PLXNA4: variants seen among roughly 807,000 people sequenced by gnomAD.
The protein encoded by PLXNA4 is plexin A4.
In PLXNA4, 44 loss-of-function variants were observed where a neutral mutation model predicts 191.8. The observed-to-expected ratio is 0.23, with a 90% CI of 0.18 to 0.29. The LOEUF is 0.29. Ranked by LOEUF, PLXNA4 falls within the 10% of genes least tolerant of loss-of-function variation. The pLI is 1.00. For synonymous variants in PLXNA4, 1,082 were observed against 1,009.5 expected (o/e 1.07, Z -1.36); for missense variants, 1,800 against 2,488.8 (o/e 0.72, Z 5.89).
At chr7:132,189,312 C>T (rs1169955426) in intron 14 of PLXNA4, among the ~76,000 whole-genome samples, 1 of 151,984 alleles carries the variant, frequency 6.6e-6, no homozygotes, top group Non-Finnish European at 1.5e-5. Context: ...TCAAGCCATG[C>T]TTCATAAATA....
chr7:132,281,273 AT>A lies in PLXNA4; in HGVS notation c.1503+16817del, dbSNP rs202200016. On this transcript the variant is annotated intron_variant, in intron 4 of 31. Transcript: ENST00000321063. Reference sequence around the variant, plus strand: ...TAGACGCAGAGATGCAAAAAAGTGCATTGTTGGCTGTGCTGAATAAATCAAG... The same window carrying A: ...TAGACGCAGAGATGCAAAAAAGTGCATGTTGGCTGTGCTGAATAAATCAAG... 9.8e-3 allele frequency among the ~76,000 whole-genome samples: 1,493 copies of A among 152,308 alleles called. 21 individuals are homozygous for A. The highest frequency in any genetic ancestry group is 0.034 in the African/African-American group (1,421 of 41,570).
chr7:132,473,961 A>G (rs746620649), intron 3 of PLXNA4, among the ~76,000 whole-genome samples: 13 of 152,218 alleles, frequency 8.5e-5, no homozygotes, highest in Non-Finnish European at 2.9e-5. Context: ...AAGGAAAGAA[A>G]GTTCAACAAG....
At chr7:132,305,132 C>T (rs1386865027) in intron 3 of PLXNA4, among the ~76,000 whole-genome samples, 1 of 152,188 alleles carries the variant, frequency 6.6e-6, no homozygotes, top group African/African-American at 2.4e-5. Context: ...CCAAGTAATA[C>T]TGCCTTGGGA....
intron 20 of PLXNA4, among the ~76,000 whole-genome samples, chr7:132,176,448 AAG>A (rs1484215484): frequency 6.6e-6 from 1 of 152,214 alleles, no homozygotes; most frequent in African/African-American, 2.4e-5. Flanking sequence ...GTATGCTTAT[AAG>A]AGAGTGTGGG....
chr7:132,471,126 G>A (rs2117417101), intron 3 of PLXNA4, among the ~76,000 whole-genome samples: 1 of 152,210 alleles, frequency 6.6e-6, no homozygotes, highest in South Asian at 2.1e-4. Context: ...GTTGTTTAAA[G>A]GTGTGTGGCA....
intron 16 of PLXNA4, among the ~76,000 whole-genome samples, chr7:132,184,981 G>A (rs1449381993): frequency 1.3e-5 from 2 of 152,196 alleles, no homozygotes; most frequent in African/African-American, 2.4e-5. Context: ...TACCAGAAGT[G>A]AGAAGAGTAG....
At chr7:132,326,903 G>A (rs1401695118) in intron 3 of PLXNA4, among the ~76,000 whole-genome samples, 1 of 141,000 alleles carries the variant, frequency 7.1e-6, no homozygotes, top group Non-Finnish European at 1.6e-5. Context: ...GGCAGGAAGG[G>A]AATGGGGAAA....
At chr7:132,496,536 G>A (rs1388654334) in intron 2 of PLXNA4, among the ~76,000 whole-genome samples, 1 of 152,014 alleles carries the variant, frequency 6.6e-6, no homozygotes, top group East Asian at 1.9e-4. Flanking sequence ...TGAGTAGCTG[G>A]GATTACAGGC....
Position 132,298,125 on chromosome 7 carries a change from T to G in PLXNA4, c.1469A>C (p.Asp490Ala). Residue 490 changes from aspartate (D) to alanine (A), a missense_variant, in exon 4 of 32, where the codon GAC becomes GCC. Around this residue, in one of 6 missense-constraint regions of PLXNA4, gnomAD observed 1,397 missense variants for 1,880.4 expected, o/e 0.74. Coordinates refer to ENST00000321063, the MANE Select transcript of PLXNA4 (RefSeq NM_020911.2). ...PVLRDMAFSKDHEQLYIMSER... is the reference protein window; with the variant it reads ...PVLRDMAFSKAHEQLYIMSER... ...TGACATGATGTAGAGTTGCTCGTGG[T>G]CCTTGGAGAAGGCCATATCCCGGAG... The G allele has an allele frequency of 6.2e-7, 1 of 1,614,224 alleles. No individual in the cohort carries two copies. Among genetic ancestry groups the G allele is most frequent in the Admixed American group, 1.7e-5 (1 of 60,036 alleles).
rs540324446 is a variant in PLXNA4, at chr7:132,307,373, C to T, written c.1372-9151G>A. Among the ~76,000 whole-genome samples the T allele has an allele frequency of 2.0e-5, 3 of 152,334 alleles. No individual in the cohort carries two copies. The East Asian group carries it at 5.8e-4, about 29-fold the overall frequency. ...ATGATGGTTATTGTTTACACCCTTG[C>T]TAGATCATACACACCACGGGAGCAG... On this transcript the variant is annotated intron_variant, in intron 3 of 31. Transcript: ENST00000321063.
intron 1 of PLXNA4, among the ~76,000 whole-genome samples, chr7:132,523,381 G>A (rs552588428): frequency 1.3e-5 from 2 of 152,132 alleles, no homozygotes; most frequent in African/African-American, 2.4e-5. Context: ...TGGCCAGGGG[G>A]AGCCAGCCAT....
chr7:132,177,874 T>C (rs1454200911), intron 20 of PLXNA4, among the ~76,000 whole-genome samples: 1 of 152,164 alleles, frequency 6.6e-6, no homozygotes, highest in African/African-American at 2.4e-5. Flanking sequence ...GGGGATGGAA[T>C]GGATCCACTT....
At chr7:132,528,264 C>T (rs569972060) in intron 1 of PLXNA4, among the ~76,000 whole-genome samples, 81 of 152,264 alleles carry the variant, frequency 5.3e-4, no homozygotes, top group Middle Eastern at 6.8e-3. Context: ...CAGTTGGACA[C>T]GAGGCTTCTC....
chr7:132,321,001 C>T lies in PLXNA4; in HGVS notation c.1372-22779G>A, dbSNP rs1802140250. On this transcript the variant is annotated intron_variant, in intron 3 of 31. Coordinates refer to ENST00000321063, the MANE Select transcript of PLXNA4 (RefSeq NM_020911.2). ...GCCCCAAATCTCCCTGTTTTTCTGC[C>T]CTCCGGTTCCTGGCAATCCCTTGCC... Among the ~76,000 whole-genome samples the T allele has an allele frequency of 3.9e-5, 6 of 152,266 alleles. No homozygotes were observed. In the South Asian group the frequency reaches 1.0e-3, roughly 26 times the overall value.
chr7:132,538,307 C>G (rs932557185), intron 1 of PLXNA4, among the ~76,000 whole-genome samples: 10 of 152,202 alleles, frequency 6.6e-5, no homozygotes, highest in African/African-American at 2.2e-4. Flanking sequence ...GTTATATGAT[C>G]AGCACAAATG....
At chr7:132,257,679 C>T (rs1267931888) in intron 4 of PLXNA4, among the ~76,000 whole-genome samples, 1 of 152,232 alleles carries the variant, frequency 6.6e-6, no homozygotes, top group Admixed American at 6.5e-5. Flanking sequence ...TTAGGACAAC[C>T]TGACCTTCAC....
At chr7:132,279,782 GAAGGC>G (rs1236501602) in intron 4 of PLXNA4, among the ~76,000 whole-genome samples, 2 of 152,210 alleles carry the variant, frequency 1.3e-5, no homozygotes, top group Non-Finnish European at 2.9e-5. Flanking sequence ...AATAACTGTA[GAAGGC>G]AAGTTGTTGA....
chr7:132,232,184 G>A (rs141499965), intron 5 of PLXNA4, among the ~76,000 whole-genome samples: 6 of 152,204 alleles, frequency 3.9e-5, no homozygotes, highest in East Asian at 1.9e-4. Context: ...GTTAATTCAC[G>A]ACCTGAGAGG....
chr7:132,241,108 C>T lies in PLXNA4; in HGVS notation c.1562G>A (p.Gly521Asp), dbSNP rs761861262. Residue 521 changes from glycine (G) to aspartate (D), a missense_variant, in exon 5 of 32, where the codon GGC (glycine) becomes GAC (aspartate). Around this residue, in one of 6 missense-constraint regions of PLXNA4, gnomAD observed 1,397 missense variants for 1,880.4 expected, o/e 0.74. Transcript: ENST00000321063. ...GQYQSCGECLGSGDPHCGWCV... is the reference protein window; with the variant it reads ...GQYQSCGECLDSGDPHCGWCV... The stretch of plus-strand genomic sequence containing the variant: ...CCAGCCACAGTGGGGGTCGCCTGAG[C>T]CAAGGCACTCGCCGCAGCTCTGATA... 6.2e-7 allele frequency: 1 copy of T among 1,613,288 alleles called. No individual in the cohort carries two copies. The highest frequency in any genetic ancestry group is 1.1e-5 in the South Asian group (1 of 90,944).
Sources: allele counts gnomAD v4.1 joint callset (sites outside exome capture counted in the v4.1 genomes callset), GRCh38; gene constraint gnomAD v4.1.1; regional missense constraint gnomAD v4.1.1; transcripts MANE v1.5; gene names NCBI Gene and HGNC (gene_info 2026-07-23, HGNC 2026-07-21).